The following FAM227B variants were observed in gnomAD, a reference collection of about 807,000 sequenced individuals.
The protein encoded by FAM227B is protein FAM227B.
Under a neutral mutation model 73.8 loss-of-function variants are expected in FAM227B, and 88 were observed. The ratio of observed to expected loss-of-function variants is 1.19; its 90% CI spans 1.00 to 1.42. The LOEUF (loss-of-function observed/expected upper bound fraction) is 1.42. FAM227B is among the 40% of genes most tolerant of loss of function. The probability of loss-of-function intolerance (pLI) is 0.00; values close to 1 mark genes in which losing one functional copy is unlikely to be tolerated. For missense variants in FAM227B, 632 were observed against 590.9 expected, an observed-to-expected ratio of 1.07 and a Z score of -0.72; for synonymous variants, 210 against 190.5, an observed-to-expected ratio of 1.10 and a Z score of -0.84.
intron 3 of FAM227B, among the ~76,000 whole-genome samples, chr15:49,592,298 TG>T (rs1179646982): frequency 1.3e-5 from 2 of 152,234 alleles, no homozygotes; most frequent in Non-Finnish European, 2.9e-5. Context: ...CCCATCTTTG[TG>T]GTTTTATCTA....
chr15:49,413,290 G>A (rs896591784), intron 11 of FAM227B, among the ~76,000 whole-genome samples: 1 of 152,016 alleles, frequency 6.6e-6, no homozygotes, highest in Non-Finnish European at 1.5e-5. Context: ...TTTGTAAGGG[G>A]TTTCAGCTTT....
chr15:49,583,194 C>T (rs144563690), intron 5 of FAM227B, among the ~76,000 whole-genome samples: 24 of 149,984 alleles, frequency 1.6e-4, no homozygotes, highest in African/African-American at 4.6e-4. Context: ...GGACAACTCC[C>T]GTATTTGTTT....
intron 3 of FAM227B, among the ~76,000 whole-genome samples, chr15:49,604,186 T>C (rs941431872): frequency 6.6e-6 from 1 of 152,244 alleles, no homozygotes; most frequent in East Asian, 1.9e-4. Context: ...TTCTATACTT[T>C]AATGTTTTTA....
chr15:49,401,002 G>T (rs1314184563), intron 11 of FAM227B, among the ~76,000 whole-genome samples: 11 of 152,142 alleles, frequency 7.2e-5, no homozygotes, highest in Non-Finnish European at 1.2e-4. Context: ...TGACAAATGG[G>T]ATCTAATTAA....
intron 11 of FAM227B, among the ~76,000 whole-genome samples, chr15:49,422,120 T>TAGAGAGAGAGAGAGAGAGAGAGAGAGAG (rs3075167): frequency 9.8e-4 from 132 of 134,476 alleles, no homozygotes; most frequent in South Asian, 2.2e-3. Context: ...GCATTTCACA[T>TAGAGAGAGAGAGAGAGAGAGAGAGAGAG]AGAGAGAGAG....
intron 11 of FAM227B, among the ~76,000 whole-genome samples, chr15:49,499,907 C>T (rs562497366): frequency 5.3e-5 from 8 of 152,128 alleles, no homozygotes; most frequent in Non-Finnish European, 1.2e-4. Flanking sequence ...TATAAAGCTA[C>T]ATACTATAAA....
At chr15:49,615,335 C>A in intron 1 of FAM227B, 92 bp from the exon 2 acceptor site, 1 of 658,202 alleles carries the variant, frequency 1.5e-6, no homozygotes, top group Non-Finnish European at 2.8e-6. Context: ...CTGACTTTTA[C>A]CAAGTCAGAT....
chr15:49,385,249 T>C (rs2046809079), intron 11 of FAM227B, among the ~76,000 whole-genome samples: 1 of 151,824 alleles, frequency 6.6e-6, no homozygotes, highest in African/African-American at 2.4e-5. Context: ...TGATGCAGAG[T>C]AGTATATTAG....
chr15:49,586,216 G>A (rs1024886328), intron 5 of FAM227B, among the ~76,000 whole-genome samples: 1 of 152,048 alleles, frequency 6.6e-6, no homozygotes, highest in Non-Finnish European at 1.5e-5. Flanking sequence ...ACAGAATAAA[G>A]AACTCATAAA....
intron 11 of FAM227B, among the ~76,000 whole-genome samples, chr15:49,396,906 A>G (rs957711390): frequency 1.3e-5 from 2 of 152,158 alleles, no homozygotes; most frequent in Non-Finnish European, 2.9e-5. Context: ...AAAAAACAGA[A>G]CAGAAAAACT....
chr15:49,343,267 G>A (rs1264779828), intron 13 of FAM227B, among the ~76,000 whole-genome samples: 2 of 151,960 alleles, frequency 1.3e-5, no homozygotes, highest in Non-Finnish European at 1.5e-5. Context: ...TATTTTGAAA[G>A]ACTGGTCTTC....
At chr15:49,464,851 C>A (rs1027764942) in intron 11 of FAM227B, among the ~76,000 whole-genome samples, 2 of 152,084 alleles carry the variant, frequency 1.3e-5, no homozygotes, top group African/African-American at 4.8e-5. Context: ...CTATACAGTA[C>A]AATGGAAGCA....
chr15:49,484,307 CAG>C (rs2056217525), intron 11 of FAM227B: 1 of 1,583,292 alleles, frequency 6.3e-7, no homozygotes, highest in Non-Finnish European at 8.5e-7. Context: ...TTTGTTTTAA[CAG>C]AAAGAATGCA....
intron 13 of FAM227B, among the ~76,000 whole-genome samples, chr15:49,340,403 G>GCCCCCCCCCCCCCC (rs373386438): frequency 4.2e-5 from 4 of 94,380 alleles, no homozygotes; most frequent in Non-Finnish European, 6.6e-5. Context: ...GCAGTGCCCC[G>GCCCCCCCCCCCCCC]CCCCCCCCCT....
intron 9 of FAM227B, among the ~76,000 whole-genome samples, chr15:49,548,972 C>G (rs931144483): frequency 6.6e-6 from 1 of 152,062 alleles, no homozygotes; most frequent in Non-Finnish European, 1.5e-5. Context: ...ATTAATCTTT[C>G]TTATCATTTG....
At chr15:49,548,893 G>A (rs2072363758) in intron 9 of FAM227B, among the ~76,000 whole-genome samples, 1 of 151,966 alleles carries the variant, frequency 6.6e-6, no homozygotes, top group South Asian at 2.1e-4. Flanking sequence ...TTTGTATCTT[G>A]TCTTTTTTAC....
rs1260237747 is a variant in FAM227B at position 49,327,638 on chromosome 15, T to C, written c.*930A>G. The C allele has an allele frequency of 5.0e-6, 1 of 200,338 alleles. No homozygotes were observed. Among genetic ancestry groups the C allele is most frequent in the Admixed American group, 5.7e-5 (1 of 17,692 alleles). The allele number at this position is 200,338 out of a possible 1,614,324, so 12.4% of individuals were successfully genotyped here. A position where few individuals can be genotyped will look rare whatever the true frequency, so the allele number is the denominator to read the frequency against. ...TCCTGATTTACGTGTAAGCTTGCTATACAACTCTTCAAGTGGCTACTTTAT... is the reference window on the plus strand; with the variant it reads ...TCCTGATTTACGTGTAAGCTTGCTACACAACTCTTCAAGTGGCTACTTTAT... On this transcript the variant is annotated 3_prime_UTR_variant, in exon 16 of 16. Coordinates refer to ENST00000299338, the MANE Select transcript of FAM227B (RefSeq NM_152647.3).
intron 11 of FAM227B, among the ~76,000 whole-genome samples, chr15:49,437,532 G>A (rs2051218645): frequency 6.6e-6 from 1 of 151,572 alleles, no homozygotes; most frequent in Non-Finnish European, 1.5e-5. Flanking sequence ...TTTTTGGGGT[G>A]TGATTCTGGG....
chr15:49,388,571 C>G (rs144634461), intron 11 of FAM227B, among the ~76,000 whole-genome samples: 3 of 151,594 alleles, frequency 2.0e-5, no homozygotes, highest in Non-Finnish European at 4.4e-5. Context: ...AGACACTGAC[C>G]TAGGCAAAGA....
Sources: gnomAD v4.1 joint callset for allele counts (sites outside exome capture counted in the v4.1 genomes callset) on GRCh38, gnomAD v4.1.1 for gene constraint, MANE v1.5 for transcripts, NCBI Gene and HGNC (gene_info 2026-07-23, HGNC 2026-07-21) for gene names.